TTC28: variants seen among roughly 807,000 people sequenced by gnomAD.
TTC28 encodes the protein tetratricopeptide repeat domain 28.
A neutral mutation model predicts 198.0 loss-of-function variants in TTC28; 61 were observed. The observed-to-expected ratio is 0.31, with a 90% confidence interval of 0.25 to 0.38. The LOEUF is 0.38. TTC28 is among the 10% of genes least tolerant of loss of function. The pLI is 1.00. For missense variants in TTC28, 2,678 were observed against 3,164.0 expected (o/e 0.85, Z 3.69); for synonymous variants, 1,171 against 1,297.8 (o/e 0.90, Z 2.10).
chr22:28,030,409 C>T (rs1044020166), intron 12 of TTC28, 43 bp from the exon 13 acceptor site: 136 of 1,548,554 alleles, frequency 8.8e-5, no homozygotes, highest in Non-Finnish European at 1.0e-4. Context: ...AGAAAGGAAG[C>T]GCTGAGCTAT....
At chr22:28,125,965 C>T (rs1484471184) in intron 6 of TTC28, among the ~76,000 whole-genome samples, 2 of 152,088 alleles carry the variant, frequency 1.3e-5, no homozygotes, top group African/African-American at 4.8e-5. Flanking sequence ...ATCTACAATC[C>T]TTAGAGGATC....
intron 2 of TTC28, among the ~76,000 whole-genome samples, chr22:28,361,634 T>C (rs1201810872): frequency 6.6e-6 from 1 of 152,178 alleles, no homozygotes; most frequent in Non-Finnish European, 1.5e-5. Flanking sequence ...CTAGTTAAGA[T>C]CATTGATGAA....
chr22:28,613,597 C>T (rs1026233952), intron 2 of TTC28, among the ~76,000 whole-genome samples: 1 of 152,148 alleles, frequency 6.6e-6, no homozygotes, highest in African/African-American at 2.4e-5. Flanking sequence ...AAAGCTTATC[C>T]ACCATGATCA....
chr22:28,083,869 G>A (rs923370670), intron 12 of TTC28, among the ~76,000 whole-genome samples: 5 of 152,196 alleles, frequency 3.3e-5, no homozygotes, highest in South Asian at 2.1e-4. Flanking sequence ...ATTATATCCC[G>A]CACCTGGCTC....
At chr22:28,238,355 C>T (rs550459079) in intron 5 of TTC28, among the ~76,000 whole-genome samples, 2 of 152,166 alleles carry the variant, frequency 1.3e-5, no homozygotes, top group Non-Finnish European at 2.9e-5. Flanking sequence ...TATCTAATCT[C>T]TTTTTAAGCC....
chr22:28,316,387 C>T lies in TTC28; in HGVS notation c.382-9744G>A, dbSNP rs187447066. Among the ~76,000 whole-genome samples, 8 of 152,208 alleles carry T rather than the reference C, an allele frequency of 5.3e-5. No individual in the cohort carries two copies. The East Asian group carries it at 1.5e-3, about 29-fold the overall frequency. Reference sequence around the variant, plus strand: ...TTTAAAATTGGGTACTATGATGCATCCAACTTTTTCTTTTCAAAATTGCTT... The same window carrying T: ...TTTAAAATTGGGTACTATGATGCATTCAACTTTTTCTTTTCAAAATTGCTT... On this transcript the variant is annotated intron_variant, in intron 2 of 22. Coordinates refer to ENST00000397906, the MANE Select transcript of TTC28 (RefSeq NM_001145418.2).
chr22:28,395,430 G>A (rs549240448), intron 2 of TTC28, among the ~76,000 whole-genome samples: 5 of 151,976 alleles, frequency 3.3e-5, no homozygotes, highest in East Asian at 1.9e-4. Flanking sequence ...TCAGGAGATC[G>A]AGCCCATCCT....
chr22:28,523,198 G>T (rs1174262225), intron 2 of TTC28, among the ~76,000 whole-genome samples: 1 of 152,042 alleles, frequency 6.6e-6, no homozygotes, highest in Non-Finnish European at 1.5e-5. Context: ...AAGAAAGCTG[G>T]CACAGCTACA....
chr22:28,602,242 T>C (rs1378025782), intron 2 of TTC28, among the ~76,000 whole-genome samples: 2 of 152,186 alleles, frequency 1.3e-5, no homozygotes, highest in Admixed American at 6.6e-5. Flanking sequence ...GCCTGTAATG[T>C]GGGCACCTGG....
chr22:28,571,939 G>A, intron 2 of TTC28, among the ~76,000 whole-genome samples: 1 of 141,320 alleles, frequency 7.1e-6, no homozygotes, highest in Non-Finnish European at 1.5e-5. Context: ...ACAAGAGCGA[G>A]ACTCCATTTC....
At chr22:28,416,572 G>A (rs1222846952) in intron 2 of TTC28, among the ~76,000 whole-genome samples, 1 of 152,122 alleles carries the variant, frequency 6.6e-6, no homozygotes, top group Non-Finnish European at 1.5e-5. Flanking sequence ...TGTTCTCCTA[G>A]AAATACTCTT....
chr22:28,328,676 C>T (rs2045568776), intron 2 of TTC28, among the ~76,000 whole-genome samples: 1 of 151,080 alleles, frequency 6.6e-6, no homozygotes, highest in Admixed American at 6.6e-5. Context: ...ATCGCTTGAA[C>T]CTGGGAGGCA....
chr22:28,199,788 T>C (rs1330011440), intron 5 of TTC28, among the ~76,000 whole-genome samples: 2 of 151,832 alleles, frequency 1.3e-5, no homozygotes, highest in Non-Finnish European at 2.9e-5. Flanking sequence ...AGTCTTACTG[T>C]CTTCAGAAGA....
intron 12 of TTC28, among the ~76,000 whole-genome samples, chr22:28,053,085 G>A (rs1018058131): frequency 2.6e-5 from 4 of 152,264 alleles, no homozygotes; most frequent in African/African-American, 9.6e-5. Context: ...GTTGGTGCTA[G>A]AGAACCTGTC....
chr22:28,150,894 G>C (rs536227934), intron 6 of TTC28, among the ~76,000 whole-genome samples: 233 of 152,306 alleles, frequency 1.5e-3, no homozygotes, highest in Non-Finnish European at 2.5e-3. Flanking sequence ...AGTACCCCCA[G>C]GAAGTAGTGC....
chr22:28,058,221 G>A (rs753493492), intron 12 of TTC28, among the ~76,000 whole-genome samples: 8 of 152,040 alleles, frequency 5.3e-5, no homozygotes, highest in Non-Finnish European at 7.4e-5. Context: ...ACAAATGGCT[G>A]TGGCTGTGTT....
intron 6 of TTC28, among the ~76,000 whole-genome samples, chr22:28,116,971 C>G (rs569337848): frequency 3.3e-5 from 5 of 152,232 alleles, no homozygotes; most frequent in African/African-American, 1.2e-4. Flanking sequence ...CTTTCTTGCT[C>G]ATCTGCAGTA....
At chr22:28,071,603 G>T (rs916323523) in intron 12 of TTC28, among the ~76,000 whole-genome samples, 4 of 149,822 alleles carry the variant, frequency 2.7e-5, no homozygotes, top group African/African-American at 9.8e-5. Flanking sequence ...GGAGCGGGGA[G>T]GGATAGCATT....
At chr22:28,641,695 A>G (rs1162536474) in intron 1 of TTC28, among the ~76,000 whole-genome samples, 2 of 152,216 alleles carry the variant, frequency 1.3e-5, no homozygotes, top group African/African-American at 4.8e-5. Context: ...ATGAAAACTG[A>G]GGGAATTAAT....
Sources: gnomAD v4.1 joint callset for allele counts (sites outside exome capture counted in the v4.1 genomes callset) on GRCh38, gnomAD v4.1.1 for gene constraint, MANE v1.5 for transcripts, NCBI Gene and HGNC (gene_info 2026-07-23, HGNC 2026-07-21) for gene names.